OSBPL9: variants seen among roughly 807,000 people sequenced by gnomAD.
OSBPL9 encodes the protein oxysterol binding protein like 9, also known as oxysterol-binding protein-related protein 9.
OSBPL9 carries 40 observed loss-of-function variants against 106.6 expected under a neutral mutation model. That is an observed-to-expected ratio of 0.38 (90% confidence interval 0.29 to 0.49). The LOEUF (loss-of-function observed/expected upper bound fraction) is 0.49, where lower values mean the gene tolerates loss of function less well. Ranked by LOEUF, OSBPL9 falls within the 20% of genes least tolerant of loss-of-function variation. The probability of loss-of-function intolerance (pLI) is 0.97; values close to 1 mark genes in which losing one functional copy is unlikely to be tolerated. For missense variants in OSBPL9, 609 were observed against 887.2 expected, an observed-to-expected ratio of 0.69 and a Z score of 3.98; for synonymous variants, 269 against 295.4, an observed-to-expected ratio of 0.91 and a Z score of 0.92.
Position 51,788,773 on chromosome 1 carries a change from A to AGAT in OSBPL9, c.*985_*987dup, listed in dbSNP as rs201301106. The stretch of plus-strand genomic sequence containing the variant: ...CACCCCACAGTGAACAAAAATAGAT[A>AGAT]GATAGATAGAATAAAATGAATGCCA... On this transcript the variant is annotated 3_prime_UTR_variant, in exon 24 of 24. Transcript: ENST00000428468. 2.4e-4 allele frequency among the ~76,000 whole-genome samples: 36 copies of AGAT among 152,168 alleles called. No individual in the cohort carries two copies. In the East Asian group the frequency reaches 5.4e-3, roughly 23 times the overall value.
In OSBPL9 at chr1:51,663,946, A is replaced by G. The variant is rs536303407; in HGVS notation, c.163-5488A>G. On this transcript the variant is annotated intron_variant, in intron 2 of 23. Transcript: ENST00000428468. ...GTTAAAACCATGATGAGATGTCACTACTTACCTGCCAAGAATAACTAAGGT... is the reference window on the plus strand; with the variant it reads ...GTTAAAACCATGATGAGATGTCACTGCTTACCTGCCAAGAATAACTAAGGT... Among the ~76,000 whole-genome samples the G allele has an allele frequency of 1.1e-3, 161 of 152,358 alleles. 1 individual carries two copies. The highest frequency in any genetic ancestry group is 3.8e-3 in the African/African-American group (157 of 41,578).
intron 5 of OSBPL9, among the ~76,000 whole-genome samples, chr1:51,746,116 G>A (rs543094311): frequency 2.0e-5 from 3 of 152,122 alleles, no homozygotes; most frequent in Non-Finnish European, 2.9e-5. Context: ...AGAGGTGCCC[G>A]TATTTTTAGT....
At chr1:51,548,418 A>G in the OSBPL9 span, among the ~76,000 whole-genome samples, 6 of 150,042 alleles carry the variant, frequency 4.0e-5, no homozygotes, top group Non-Finnish European at 7.4e-5. Context: ...TTTTTTTGAA[A>G]CAAGGTCTTG....
At chr1:51,735,639 C>G (rs1284167816) in intron 4 of OSBPL9, among the ~76,000 whole-genome samples, 1 of 152,230 alleles carries the variant, frequency 6.6e-6, no homozygotes, top group African/African-American at 2.4e-5. Flanking sequence ...AGATCTGTGT[C>G]TGCTTCATCT....
chr1:51,769,674 G>A (rs549983562), intron 12 of OSBPL9, among the ~76,000 whole-genome samples: 4 of 152,242 alleles, frequency 2.6e-5, no homozygotes, highest in African/African-American at 9.6e-5. Flanking sequence ...GTATACATAG[G>A]TGTTGTTTTT....
chr1:51,785,717 G>A, intron 20 of OSBPL9, 91 bp from the exon 21 acceptor site: 1 of 1,083,142 alleles, frequency 9.2e-7, no homozygotes, highest in Non-Finnish European at 1.4e-6. Flanking sequence ...TTGCTCTTCT[G>A]TGCTCTACTC....
chr1:51,704,342 T>A (rs1392340529), intron 3 of OSBPL9, among the ~76,000 whole-genome samples: 3 of 152,230 alleles, frequency 2.0e-5, no homozygotes, highest in Admixed American at 2.0e-4. Context: ...TATTCAGAGA[T>A]TCAACTTCTT....
intron 3 of OSBPL9, among the ~76,000 whole-genome samples, chr1:51,688,157 G>A (rs980373817): frequency 6.6e-6 from 1 of 152,146 alleles, no homozygotes; most frequent in Non-Finnish European, 1.5e-5. Context: ...ATAAATCAGG[G>A]TAATGCCATA....
At chr1:51,526,457 T>C in the OSBPL9 span, among the ~76,000 whole-genome samples, 11 of 152,198 alleles carry the variant, frequency 7.2e-5, no homozygotes, top group Non-Finnish European at 1.5e-5. Context: ...TTCTCTTTTT[T>C]GTAAAATGAG....
chr1:51,724,295 T>A (rs1662698981), intron 4 of OSBPL9, among the ~76,000 whole-genome samples: 1 of 152,150 alleles, frequency 6.6e-6, no homozygotes, highest in Non-Finnish European at 1.5e-5. Flanking sequence ...TTTTTTTTCT[T>A]CTTTTTGAGA....
the OSBPL9 span, among the ~76,000 whole-genome samples, chr1:51,564,843 C>T: frequency 6.6e-5 from 10 of 152,338 alleles, no homozygotes; most frequent in South Asian, 2.1e-3. Flanking sequence ...TCTCTACTCT[C>T]CCCAAGTCCT....
intron 12 of OSBPL9, among the ~76,000 whole-genome samples, chr1:51,767,135 C>T (rs1420988298): frequency 6.6e-6 from 1 of 151,518 alleles, no homozygotes; most frequent in Non-Finnish European, 1.5e-5. Context: ...GGCTTATGCC[C>T]CTAATCTCAG....
intron 3 of OSBPL9, among the ~76,000 whole-genome samples, chr1:51,677,210 G>A (rs1651455931): frequency 6.6e-6 from 1 of 152,200 alleles, no homozygotes; most frequent in Non-Finnish European, 1.5e-5. Context: ...TTGGGAATGG[G>A]CCCGCTCTAG....
intron 3 of OSBPL9, chr1:51,709,792 G>T (rs1659424805): frequency 6.6e-6 from 1 of 152,456 alleles, no homozygotes; most frequent in Admixed American, 6.5e-5. Context: ...AGGTGCAAAG[G>T]AGGTGATATT....
chr1:51,618,683 A>C (rs755679759), intron 1 of OSBPL9, among the ~76,000 whole-genome samples: 6 of 152,228 alleles, frequency 3.9e-5, no homozygotes, highest in Non-Finnish European at 5.9e-5. Context: ...TGGAGCTTAT[A>C]TACTAGCTTG....
intron 3 of OSBPL9, among the ~76,000 whole-genome samples, chr1:51,683,886 T>C (rs761227949): frequency 5.9e-5 from 9 of 152,152 alleles, no homozygotes; most frequent in South Asian, 4.1e-4. Flanking sequence ...ATTGAACTTA[T>C]AGTAGCAGAG....
In OSBPL9 at chr1:51,604,842, G is replaced by A. The variant is rs530816396; in HGVS notation, c.-353+6649G>A. On this transcript the variant is annotated intron_variant, in intron 2 of 25. Coordinates refer to the OSBPL9 transcript ENST00000371714. ...CTGATTTTTTGTTTTTAGTAGACACGGGGTTTCACATGTTGGTCAGGCTAA... is the reference window on the plus strand; with the variant it reads ...CTGATTTTTTGTTTTTAGTAGACACAGGGTTTCACATGTTGGTCAGGCTAA... Among the ~76,000 whole-genome samples the A allele has an allele frequency of 2.2e-3, 332 of 151,674 alleles. 1 individual carries two copies. The highest frequency in any genetic ancestry group is 4.2e-3 in the Admixed American group (64 of 15,254).
At position 51,787,981 on chromosome 1, in the gene OSBPL9, T is replaced by TA; in HGVS notation, c.*193dup. 2 of 564,140 alleles carry TA rather than the reference T, an allele frequency of 3.5e-6. No homozygotes were observed. The highest frequency in any genetic ancestry group is 3.4e-5 in the Admixed American group (1 of 29,064). The allele number at this position is 564,140 out of a possible 1,614,324, so 34.9% of individuals were successfully genotyped here. A position where few individuals can be genotyped will look rare whatever the true frequency, so the allele number is the denominator to read the frequency against. ...GCTTCCCTTTTCCCTCTGTGGCAGT[T>TA]ACGATTTTGACTTCAGTCCTGAGAA... On this transcript the variant is annotated 3_prime_UTR_variant, in exon 24 of 24. Coordinates refer to ENST00000428468, the MANE Select transcript of OSBPL9 (RefSeq NM_024586.6).
rs547435204 is a variant in OSBPL9, at chr1:51,666,150, C to T, written c.163-3284C>T. Among the ~76,000 whole-genome samples, 25 of 152,186 alleles carry T rather than the reference C, an allele frequency of 1.6e-4. No homozygotes were observed. The East Asian group carries it at 3.1e-3, about 19-fold the overall frequency. On this transcript the variant is annotated intron_variant, in intron 2 of 23. Transcript: ENST00000428468. The stretch of plus-strand genomic sequence containing the variant: ...GGTGTGAGCCGCCGCACCCGGCCTC[C>T]GGAGAAGTTCTGTACAACAAAACTA...
Sources: allele counts gnomAD v4.1 joint callset (sites outside exome capture counted in the v4.1 genomes callset), GRCh38; gene constraint gnomAD v4.1.1; transcripts MANE v1.5; gene names NCBI Gene and HGNC (gene_info 2026-07-23, HGNC 2026-07-21).